The following DPYD variants were observed in gnomAD, a reference collection of about 807,000 sequenced individuals.
DPYD encodes the protein dihydropyrimidine dehydrogenase [NADP(+)].
DPYD carries 109 observed loss-of-function variants against 116.2 expected under a neutral mutation model. The observed-to-expected ratio is 0.94, with a 90% CI of 0.80 to 1.10. The LOEUF is 1.10. Ranked by LOEUF, DPYD falls within the 50% of genes least tolerant of loss-of-function variation. The probability of loss-of-function intolerance (pLI) is 0.00; values close to 1 mark genes in which losing one functional copy is unlikely to be tolerated. For synonymous variants in DPYD, 440 were observed against 432.0 expected (o/e 1.02, Z -0.23); for missense variants, 1,302 against 1,254.5 (o/e 1.04, Z -0.57).
chr1:97,608,578 T>C (rs1027263681), intron 8 of DPYD, among the ~76,000 whole-genome samples: 4 of 151,910 alleles, frequency 2.6e-5, no homozygotes, highest in African/African-American at 9.7e-5. Context: ...CAAATTAGCT[T>C]ACTTCCCTGT....
intron 7 of DPYD, 84 bp downstream of exon 7, chr1:97,691,633 G>A (rs2100949725): frequency 8.6e-7 from 1 of 1,168,760 alleles, no homozygotes; most frequent in Middle Eastern, 2.1e-4. Context: ...TTCCTAAAAT[G>A]CATGACATTT....
chr1:97,476,362 C>T (rs1163950427), intron 13 of DPYD, among the ~76,000 whole-genome samples: 2 of 151,908 alleles, frequency 1.3e-5, no homozygotes, highest in South Asian at 2.1e-4. Flanking sequence ...AAAAGATGAC[C>T]CCTTTAGTAG....
chr1:97,728,432 A>G (rs1218085792), intron 4 of DPYD, among the ~76,000 whole-genome samples: 2 of 152,072 alleles, frequency 1.3e-5, no homozygotes, highest in Non-Finnish European at 2.9e-5. Flanking sequence ...CAATTTAATG[A>G]TTTCCAAAGT....
intron 5 of DPYD, among the ~76,000 whole-genome samples, chr1:97,711,505 C>A (rs1263990597): frequency 2.0e-5 from 3 of 151,860 alleles, no homozygotes; most frequent in Admixed American, 6.6e-5. Flanking sequence ...ATTTTAAAGT[C>A]AAAAAATCCT....
chr1:97,291,242 C>G (rs1666141719), intron 18 of DPYD, among the ~76,000 whole-genome samples: 1 of 152,052 alleles, frequency 6.6e-6, no homozygotes, highest in African/African-American at 2.4e-5. Context: ...GTTGGTGGGA[C>G]TGTAAACTAG....
chr1:97,796,133 G>T (rs1268655862), intron 3 of DPYD, among the ~76,000 whole-genome samples: 1 of 151,990 alleles, frequency 6.6e-6, no homozygotes, highest in Admixed American at 6.6e-5. Context: ...ATATGACAAT[G>T]ATCATAATAG....
At chr1:97,679,031 T>G in intron 8 of DPYD, 64 bp downstream of exon 8, 2 of 756,274 alleles carry the variant, frequency 2.6e-6, no homozygotes, top group Non-Finnish European at 4.1e-6. Context: ...GTCATTCTTC[T>G]GGATATTGCT....
intron 18 of DPYD, among the ~76,000 whole-genome samples, chr1:97,291,451 T>C (rs771401322): frequency 0.026 from 3,894 of 151,664 alleles, 67 homozygotes; most frequent in Middle Eastern, 0.054. Context: ...TGTCCAACAA[T>C]GATAGACTGG....
intron 18 of DPYD, among the ~76,000 whole-genome samples, chr1:97,262,045 G>A (rs1663922729): frequency 6.6e-6 from 1 of 151,710 alleles, no homozygotes; most frequent in Non-Finnish European, 1.5e-5. Flanking sequence ...ATCCTTTGGG[G>A]AGCACTCCTA....
chr1:97,383,346 G>A (rs185808712), intron 14 of DPYD, among the ~76,000 whole-genome samples: 48 of 151,576 alleles, frequency 3.2e-4, no homozygotes, highest in Non-Finnish European at 6.6e-4. Context: ...GTGTGGTGGC[G>A]TGTGCCTGTA....
At chr1:97,595,425 T>C (rs577099114) in intron 8 of DPYD, among the ~76,000 whole-genome samples, 12 of 152,144 alleles carry the variant, frequency 7.9e-5, no homozygotes, top group African/African-American at 2.4e-4. Context: ...AACATATGTA[T>C]ATACACACAT....
At chr1:97,791,307 C>A (rs1340552134) in intron 3 of DPYD, among the ~76,000 whole-genome samples, 1 of 152,132 alleles carries the variant, frequency 6.6e-6, no homozygotes, top group Non-Finnish European at 1.5e-5. Context: ...GACAGGAACA[C>A]CCAGTCCCCC....
intron 1 of DPYD, among the ~76,000 whole-genome samples, chr1:97,892,136 C>T (rs972234921): frequency 6.6e-6 from 1 of 151,638 alleles, no homozygotes; most frequent in African/African-American, 2.4e-5. Context: ...CATAATTGGA[C>T]AGAAATACTT....
intron 3 of DPYD, among the ~76,000 whole-genome samples, chr1:97,745,061 A>G (rs1664472977): frequency 6.6e-6 from 1 of 151,980 alleles, no homozygotes. Context: ...GCCTATTTAT[A>G]CCTCTGTGCT....
chr1:97,545,625 G>A lies in DPYD; in HGVS notation c.1524+3935C>T, dbSNP rs1650782903. 6 of 602,654 alleles carry A rather than the reference G, an allele frequency of 1.0e-5. No homozygotes were observed. The East Asian group carries it at 1.6e-4, about 16-fold the overall frequency. 37.3% of individuals were successfully genotyped at this position (602,654 alleles called of 1,614,324 possible). A position where few individuals can be genotyped will look rare whatever the true frequency, so the allele number is the denominator to read the frequency against. Reference sequence around the variant, plus strand: ...TTCAGTGGACTGCTGGATTATGCAAGAGAGTGCCCTGTTGGAGGTACAGAT... The same window carrying A: ...TTCAGTGGACTGCTGGATTATGCAAAAGAGTGCCCTGTTGGAGGTACAGAT... On this transcript the variant is annotated intron_variant, in intron 12 of 22. Transcript: ENST00000370192.
At chr1:97,253,385 T>A (rs1429089494) in intron 18 of DPYD, among the ~76,000 whole-genome samples, 1 of 152,204 alleles carries the variant, frequency 6.6e-6, no homozygotes, top group East Asian at 1.9e-4. Context: ...TTTTTTAGTA[T>A]CTGAAAGCAA....
In DPYD at chr1:97,745,956, A is replaced by G. The variant is rs529667974; in HGVS notation, c.234-5477T>C. Among the ~76,000 whole-genome samples, 3 of 152,284 alleles carry G rather than the reference A, an allele frequency of 2.0e-5. No homozygotes were observed. The South Asian group carries it at 6.2e-4, about 32-fold the overall frequency. ...AAAAAGCAGTTAAGAAGTCACAGCTAGAAAAAGACTACAGTATTATCTCTC... is the reference window on the plus strand; with the variant it reads ...AAAAAGCAGTTAAGAAGTCACAGCTGGAAAAAGACTACAGTATTATCTCTC... On this transcript the variant is annotated intron_variant, in intron 3 of 22. Transcript: ENST00000370192.
intron 14 of DPYD, among the ~76,000 whole-genome samples, chr1:97,414,142 A>C (rs560872802): frequency 6.6e-6 from 1 of 152,244 alleles, no homozygotes; most frequent in East Asian, 1.9e-4. Flanking sequence ...AAAACAAAAA[A>C]CACACACACA....
intron 4 of DPYD, among the ~76,000 whole-genome samples, chr1:97,726,470 G>C (rs758618488): frequency 6.6e-6 from 1 of 151,510 alleles, no homozygotes. Context: ...TCTTCACTTA[G>C]TAAAAGCAAC....
Sources: allele counts gnomAD v4.1 joint callset (sites outside exome capture counted in the v4.1 genomes callset), GRCh38; gene constraint gnomAD v4.1.1; transcripts MANE v1.5; gene names NCBI Gene and HGNC (gene_info 2026-07-23, HGNC 2026-07-21).